Variants in BNC2 observed in about 807,000 individuals in gnomAD.
BNC2 encodes the protein zinc finger protein basonuclin-2.
A neutral mutation model predicts 76.3 loss-of-function variants in BNC2; 20 were observed. The observed-to-expected ratio is 0.26, with a 90% CI of 0.18 to 0.38. The LOEUF (loss-of-function observed/expected upper bound fraction) is 0.38, where lower values mean the gene tolerates loss of function less well. Among genes scored for constraint, BNC2 ranks in the 10% least tolerant of loss-of-function variants. The pLI, the probability that BNC2 is intolerant of heterozygous loss-of-function variation, is 1.00. For missense variants in BNC2, 1,382 were observed against 1,399.8 expected (o/e 0.99, Z 0.20); for synonymous variants, 582 against 514.8 (o/e 1.13, Z -1.77).
intron 5 of BNC2, among the ~76,000 whole-genome samples, chr9:16,456,482 G>A (rs1278075139): frequency 7.1e-6 from 1 of 140,092 alleles, no homozygotes; most frequent in Non-Finnish European, 1.5e-5. Flanking sequence ...AGTGAGCCGA[G>A]ATCACACCAC....
chr9:16,469,168 C>T (rs1318052381), intron 5 of BNC2, among the ~76,000 whole-genome samples: 1 of 150,360 alleles, frequency 6.7e-6, no homozygotes, highest in Non-Finnish European at 1.5e-5. Context: ...TTGCTTTCAC[C>T]TACAGCAATA....
chr9:16,654,525 T>C (rs1821875650), intron 3 of BNC2, among the ~76,000 whole-genome samples: 1 of 152,216 alleles, frequency 6.6e-6, no homozygotes, highest in Admixed American at 6.5e-5. Context: ...AGACAGCTAT[T>C]AATTATGACT....
chr9:16,604,758 G>A (rs1370085722), intron 3 of BNC2, among the ~76,000 whole-genome samples: 9 of 152,186 alleles, frequency 5.9e-5, no homozygotes, highest in South Asian at 2.1e-4. Context: ...AGCCGAGATC[G>A]CGTCACTACA....
intron 3 of BNC2, among the ~76,000 whole-genome samples, chr9:16,636,154 G>C (rs1205610559): frequency 1.3e-5 from 2 of 152,076 alleles, no homozygotes; most frequent in African/African-American, 4.8e-5. Context: ...GACACTCAAA[G>C]GCTAAAATGT....
intron 3 of BNC2, among the ~76,000 whole-genome samples, chr9:16,600,088 AG>A (rs1242731755): frequency 6.6e-6 from 1 of 152,218 alleles, no homozygotes; most frequent in East Asian, 1.9e-4. Flanking sequence ...GTAATCCAAG[AG>A]GGGCCCTACA....
chr9:16,672,746 C>T (rs926405984), intron 3 of BNC2, among the ~76,000 whole-genome samples: 3 of 152,066 alleles, frequency 2.0e-5, no homozygotes, highest in African/African-American at 7.2e-5. Flanking sequence ...CATTTTTTTC[C>T]TACAATTTAT....
At chr9:16,772,325 T>A (rs1825853017) in intron 1 of BNC2, among the ~76,000 whole-genome samples, 1 of 152,200 alleles carries the variant, frequency 6.6e-6, no homozygotes, top group African/African-American at 2.4e-5. Flanking sequence ...TTATTAGATC[T>A]GTGTCATGAG....
intron 1 of BNC2, among the ~76,000 whole-genome samples, chr9:16,746,546 T>C (rs1825011902): frequency 6.6e-6 from 1 of 151,718 alleles, no homozygotes; most frequent in Admixed American, 6.6e-5. Context: ...GTATTTTTAG[T>C]AGAGACAGGG....
intron 1 of BNC2, among the ~76,000 whole-genome samples, chr9:16,811,545 T>G (rs1293916547): frequency 1.0e-4 from 7 of 69,754 alleles, no homozygotes; most frequent in South Asian, 4.7e-4. Flanking sequence ...AGAGTGAAAC[T>G]CCATCTCAAA....
At chr9:16,621,398 G>C (rs994048674) in intron 3 of BNC2, among the ~76,000 whole-genome samples, 1 of 152,066 alleles carries the variant, frequency 6.6e-6, no homozygotes, top group African/African-American at 2.4e-5. Context: ...GGCTTCACAG[G>C]GAGTAAAGTG....
chr9:16,667,734 T>C (rs1822343290), intron 3 of BNC2, among the ~76,000 whole-genome samples: 1 of 152,188 alleles, frequency 6.6e-6, no homozygotes, highest in Non-Finnish European at 1.5e-5. Context: ...CAAGTTTATA[T>C]ACAGAAAAAA....
At chr9:16,705,906 A>G (rs1823656003) in intron 3 of BNC2, among the ~76,000 whole-genome samples, 1 of 152,198 alleles carries the variant, frequency 6.6e-6, no homozygotes, top group African/African-American at 2.4e-5. Flanking sequence ...ACACTTAACC[A>G]TTTTTATTTA....
At chr9:16,834,852 A>G (rs891163756) in intron 1 of BNC2, among the ~76,000 whole-genome samples, 9 of 152,120 alleles carry the variant, frequency 5.9e-5, no homozygotes, top group Admixed American at 2.6e-4. Flanking sequence ...TCCGCATATT[A>G]GTTTTGCTTT....
At position 16,436,087 on chromosome 9, in the gene BNC2, T is replaced by C. The variant is rs1483798655; in HGVS notation, c.2107A>G (p.Thr703Ala). The change falls in exon 6 of 7, where the codon ACT (threonine) becomes GCT (alanine). Residue 703 changes from threonine (T) to alanine (A), a missense_variant. This residue lies in a region of BNC2 where 798 missense variants were observed against 775.5 expected (regional missense o/e 1.03). Transcript: ENST00000380672. ...ATGCTGTCGGCCCTCCTTATTTCAG[T>C]CCTTGAAATGCACCGGGTCCTGTTA... ...KHNRTRCISR[T>A]EIRRADSMTS... 2 of 1,614,000 alleles carry C rather than the reference T, an allele frequency of 1.2e-6. No individual in the cohort carries two copies. The highest frequency in any genetic ancestry group is 2.7e-5 in the African/African-American group (2 of 74,894).
intron 3 of BNC2, among the ~76,000 whole-genome samples, chr9:16,718,577 T>A (rs541078577): frequency 1.7e-4 from 26 of 152,258 alleles, no homozygotes; most frequent in African/African-American, 6.3e-4. Flanking sequence ...CTAATTTATC[T>A]GAAGTAAGCT....
At chr9:16,502,281 A>G (rs1008508757) in intron 5 of BNC2, among the ~76,000 whole-genome samples, 2 of 152,190 alleles carry the variant, frequency 1.3e-5, no homozygotes, top group African/African-American at 4.8e-5. Context: ...AATTCAGTTC[A>G]AGGTCACAGC....
At chr9:16,617,955 C>A (rs1820757443) in intron 3 of BNC2, among the ~76,000 whole-genome samples, 1 of 152,208 alleles carries the variant, frequency 6.6e-6, no homozygotes, top group Non-Finnish European at 1.5e-5. Flanking sequence ...ATGTTCTCTG[C>A]CACTGTGACA....
chr9:16,530,508 G>A (rs1377345464), intron 5 of BNC2, among the ~76,000 whole-genome samples: 2 of 152,158 alleles, frequency 1.3e-5, no homozygotes, highest in East Asian at 3.9e-4. Context: ...TCTCTGTCTA[G>A]GAGAGAGGGC....
intron 5 of BNC2, among the ~76,000 whole-genome samples, chr9:16,496,073 T>A (rs1008685536): frequency 3.9e-5 from 6 of 151,926 alleles, no homozygotes; most frequent in African/African-American, 1.5e-4. Flanking sequence ...CATGCCCGGC[T>A]AATCTTTGTA....
Sources: gnomAD v4.1 joint callset for allele counts (sites outside exome capture counted in the v4.1 genomes callset) on GRCh38, gnomAD v4.1.1 for gene constraint, gnomAD v4.1.1 regional missense constraint, MANE v1.5 for transcripts, NCBI Gene and HGNC (gene_info 2026-07-23, HGNC 2026-07-21) for gene names.